Variants in AGBL4 observed in about 807,000 individuals in gnomAD.
AGBL4 encodes AGBL carboxypeptidase 4, also known as cytosolic carboxypeptidase 6.
AGBL4 carries 58 observed loss-of-function variants against 66.4 expected under a neutral mutation model. That is an observed-to-expected ratio of 0.87 (90% CI 0.71 to 1.09). AGBL4 has a LOEUF of 1.09. AGBL4 is among the 50% of genes least tolerant of loss of function. The pLI, the probability that AGBL4 is intolerant of heterozygous loss-of-function variation, is 0.00. For missense variants in AGBL4, 579 were observed against 631.0 expected (o/e 0.92, Z 0.88); for synonymous variants, 234 against 222.9 (o/e 1.05, Z -0.44).
chr1:48,697,800 C>T (rs946609114), intron 6 of AGBL4, among the ~76,000 whole-genome samples: 25 of 152,194 alleles, frequency 1.6e-4, no homozygotes, highest in African/African-American at 6.0e-4. Flanking sequence ...AGCCTGAAAT[C>T]ACTTAAAGAA....
At chr1:49,980,739 AAT>A (rs1468657265) in intron 1 of AGBL4, among the ~76,000 whole-genome samples, 1 of 152,176 alleles carries the variant, frequency 6.6e-6, no homozygotes, top group African/African-American at 2.4e-5. Context: ...TGAGTGTGCA[AAT>A]ATCTCTTCAA....
In AGBL4 at chr1:49,644,423, C is replaced by G. The variant is rs140858327; in HGVS notation, c.282+52890G>C. On this transcript the variant is annotated intron_variant, in intron 3 of 13. Coordinates refer to ENST00000371839, the MANE Select transcript of AGBL4 (RefSeq NM_032785.4). The stretch of plus-strand genomic sequence containing the variant: ...ATTTATTAGAATCCCATTTAAAATG[C>G]AACTACACAGAAAGGTTAAAGTATA... Among the ~76,000 whole-genome samples, 3 of 151,562 alleles carry G rather than the reference C, an allele frequency of 2.0e-5. No homozygotes were observed. In the East Asian group the frequency reaches 5.8e-4, roughly 29 times the overall value.
At chr1:49,284,846 A>C (rs1421497303) in intron 3 of AGBL4, among the ~76,000 whole-genome samples, 3 of 150,856 alleles carry the variant, frequency 2.0e-5, no homozygotes, top group African/African-American at 7.3e-5. Flanking sequence ...ATATGCACCC[A>C]ATACAGGAGC....
intron 5 of AGBL4, among the ~76,000 whole-genome samples, chr1:48,923,749 A>G (rs1654288757): frequency 6.6e-6 from 1 of 152,222 alleles, no homozygotes; most frequent in Non-Finnish European, 1.5e-5. Context: ...TTATGGTCTA[A>G]CATTTAACGA....
intron 5 of AGBL4, among the ~76,000 whole-genome samples, chr1:48,934,236 C>T (rs1357499397): frequency 6.6e-5 from 10 of 152,062 alleles, no homozygotes; most frequent in Admixed American, 4.6e-4. Flanking sequence ...AGGTTGAAGA[C>T]GCTCAGCTAT....
intron 1 of AGBL4, among the ~76,000 whole-genome samples, chr1:49,985,643 T>C (rs1400173369): frequency 6.6e-6 from 1 of 152,180 alleles, no homozygotes; most frequent in Non-Finnish European, 1.5e-5. Context: ...AGCACAGTCT[T>C]TAACAACATA....
chr1:48,806,012 C>T (rs1185628519), intron 6 of AGBL4, among the ~76,000 whole-genome samples: 1 of 152,080 alleles, frequency 6.6e-6, no homozygotes, highest in Non-Finnish European at 1.5e-5. Context: ...AGGTCATCTC[C>T]TGGTTGGGAT....
chr1:49,882,010 T>C (rs1490731226), intron 1 of AGBL4, among the ~76,000 whole-genome samples: 1 of 152,172 alleles, frequency 6.6e-6, no homozygotes, highest in Admixed American at 6.5e-5. Flanking sequence ...CTAGGGTTTT[T>C]ATGGTTTTAG....
chr1:48,699,469 C>T (rs1437735937), intron 6 of AGBL4, among the ~76,000 whole-genome samples: 2 of 152,184 alleles, frequency 1.3e-5, no homozygotes, highest in African/African-American at 4.8e-5. Flanking sequence ...CCACCTCATG[C>T]AACCTGATGT....
chr1:48,606,951 T>C (rs936842114), intron 9 of AGBL4, among the ~76,000 whole-genome samples: 1 of 152,140 alleles, frequency 6.6e-6, no homozygotes, highest in East Asian at 1.9e-4. Context: ...CACTGAACTG[T>C]CTGTGTGACT....
intron 1 of AGBL4, among the ~76,000 whole-genome samples, chr1:49,935,378 C>T (rs527888805): frequency 6.6e-6 from 1 of 152,350 alleles, no homozygotes; most frequent in East Asian, 1.9e-4. Flanking sequence ...TGCCTGCCTG[C>T]CTCTGTAGGC....
At chr1:49,050,109 G>C (rs1222390920) in intron 4 of AGBL4, among the ~76,000 whole-genome samples, 1 of 152,072 alleles carries the variant, frequency 6.6e-6, no homozygotes, top group Admixed American at 6.6e-5. Context: ...AGGTCCTGTA[G>C]TGTGTGCTTT....
At chr1:49,809,603 A>G (rs1168663497) in intron 2 of AGBL4, among the ~76,000 whole-genome samples, 3 of 152,210 alleles carry the variant, frequency 2.0e-5, no homozygotes, top group African/African-American at 4.8e-5. Context: ...CATTATATCT[A>G]TAGCTAATAA....
chr1:48,590,181 G>T (rs1340761957), intron 10 of AGBL4, among the ~76,000 whole-genome samples: 2 of 152,130 alleles, frequency 1.3e-5, no homozygotes, highest in East Asian at 3.8e-4. Context: ...GAGGCGGGCG[G>T]ATCACCTGAG....
chr1:49,573,188 G>C (rs867301508), intron 3 of AGBL4, among the ~76,000 whole-genome samples: 8 of 137,710 alleles, frequency 5.8e-5, no homozygotes, highest in South Asian at 2.3e-4. Flanking sequence ...GTGTGTGTGT[G>C]TATACTTTTA....
chr1:49,094,067 C>T (rs977337477), intron 4 of AGBL4, among the ~76,000 whole-genome samples: 7 of 152,184 alleles, frequency 4.6e-5, no homozygotes, highest in Non-Finnish European at 7.4e-5. Context: ...AAAACTAGAG[C>T]TCTGGCTAAA....
intron 1 of AGBL4, among the ~76,000 whole-genome samples, chr1:49,922,446 C>T (rs1462926216): frequency 6.6e-6 from 1 of 152,082 alleles, no homozygotes; most frequent in African/African-American, 2.4e-5. Flanking sequence ...TATTTGAAGT[C>T]CTCGCCAGGG....
chr1:49,836,870 C>T (rs1645864108), intron 2 of AGBL4, among the ~76,000 whole-genome samples: 1 of 152,170 alleles, frequency 6.6e-6, no homozygotes, highest in South Asian at 2.1e-4. Flanking sequence ...TGCTGAAGGT[C>T]CATTCCAGAC....
At chr1:49,777,947 T>A (rs1473408290) in intron 2 of AGBL4, among the ~76,000 whole-genome samples, 1 of 152,192 alleles carries the variant, frequency 6.6e-6, no homozygotes, top group African/African-American at 2.4e-5. Context: ...AAGCCTGTAG[T>A]ATTTGACTCA....
Sources: gnomAD v4.1 joint callset for allele counts (sites outside exome capture counted in the v4.1 genomes callset) on GRCh38, gnomAD v4.1.1 for gene constraint, MANE v1.5 for transcripts, NCBI Gene and HGNC (gene_info 2026-07-23, HGNC 2026-07-21) for gene names.